SOX5: variants seen among roughly 807,000 people sequenced by gnomAD.
SOX5 encodes the protein transcription factor SOX-5.
Under a neutral mutation model 92.0 loss-of-function variants are expected in SOX5, and 9 were observed. The ratio of observed to expected loss-of-function variants is 0.10; its 90% confidence interval spans 0.06 to 0.17. The LOEUF is 0.17. SOX5 is among the 10% of genes least tolerant of loss of function. The pLI is 1.00. For missense variants in SOX5, 642 were observed against 944.5 expected (o/e 0.68, Z 4.20); for synonymous variants, 344 against 336.3 (o/e 1.02, Z -0.25).
At chr12:24,530,338 C>T (rs1359563137) in intron 1 of SOX5, among the ~76,000 whole-genome samples, 1 of 152,152 alleles carries the variant, frequency 6.6e-6, no homozygotes. Context: ...GTCGTCGGAT[C>T]CTCTCCCTAC....
chr12:23,693,532 C>T (rs1274645424), intron 6 of SOX5, among the ~76,000 whole-genome samples: 1 of 152,144 alleles, frequency 6.6e-6, no homozygotes, highest in Non-Finnish European at 1.5e-5. Flanking sequence ...TTGTGTTATT[C>T]ATTTTCCCAG....
intron 1 of SOX5, among the ~76,000 whole-genome samples, chr12:23,918,799 C>G (rs1197842804): frequency 6.6e-6 from 1 of 151,434 alleles, no homozygotes; most frequent in East Asian, 2.0e-4. Context: ...TGCCTGTAAT[C>G]CCAGCTACTC....
At chr12:24,048,122 C>T (rs148364435) in intron 4 of SOX5, among the ~76,000 whole-genome samples, 81 of 152,266 alleles carry the variant, frequency 5.3e-4, no homozygotes, top group African/African-American at 1.9e-3. Context: ...ATGATCAGCA[C>T]TGCATGAACA....
At chr12:23,774,124 T>C (rs1489857441) in intron 3 of SOX5, among the ~76,000 whole-genome samples, 1 of 152,158 alleles carries the variant, frequency 6.6e-6, no homozygotes, top group African/African-American at 2.4e-5. Flanking sequence ...AAGTGCTTAA[T>C]AGGGGATAGC....
intron 4 of SOX5, among the ~76,000 whole-genome samples, chr12:24,113,284 T>C (rs886942717): frequency 6.9e-6 from 1 of 145,484 alleles, no homozygotes; most frequent in African/African-American, 2.5e-5. Context: ...GAGCTAAAAG[T>C]GCAGACTGAT....
chr12:24,080,848 G>A (rs73275446), intron 4 of SOX5, among the ~76,000 whole-genome samples: 4,305 of 151,918 alleles, frequency 0.028, 223 homozygotes, highest in African/African-American at 0.097. Context: ...TGTAGCTACT[G>A]TATGATTTTA....
intron 1 of SOX5, among the ~76,000 whole-genome samples, chr12:24,466,835 C>G (rs1307709522): frequency 6.6e-6 from 1 of 152,130 alleles, no homozygotes; most frequent in Admixed American, 6.5e-5. Flanking sequence ...TTAAAGCTCC[C>G]CAGGTAATCT....
chr12:24,164,088 C>G (rs1038166121), intron 4 of SOX5, among the ~76,000 whole-genome samples: 8 of 152,036 alleles, frequency 5.3e-5, no homozygotes, highest in African/African-American at 9.7e-5. Context: ...CTTATGGTCT[C>G]AGAGAATGAT....
intron 1 of SOX5, among the ~76,000 whole-genome samples, chr12:24,512,108 A>C (rs1713955732): frequency 6.6e-6 from 1 of 152,240 alleles, no homozygotes; most frequent in African/African-American, 2.4e-5. Flanking sequence ...AGAAATAATA[A>C]GAAAAAAATC....
intron 6 of SOX5, among the ~76,000 whole-genome samples, chr12:23,707,481 G>A (rs116677671): frequency 0.015 from 2,223 of 152,238 alleles, 45 homozygotes; most frequent in African/African-American, 0.051. Flanking sequence ...AAAGGATACA[G>A]TCCCAGGAAA....
At chr12:24,156,411 T>G (rs1192971124) in intron 4 of SOX5, among the ~76,000 whole-genome samples, 3 of 152,142 alleles carry the variant, frequency 2.0e-5, no homozygotes, top group Admixed American at 1.3e-4. Flanking sequence ...TGTCAAGGAC[T>G]GCTTCTGGGG....
At chr12:24,130,714 C>T (rs1484388059) in intron 4 of SOX5, among the ~76,000 whole-genome samples, 1 of 152,176 alleles carries the variant, frequency 6.6e-6, no homozygotes, top group Non-Finnish European at 1.5e-5. Context: ...ATTCACAGAG[C>T]TGACCATGGC....
intron 6 of SOX5, among the ~76,000 whole-genome samples, chr12:23,733,772 G>A (rs1383247173): frequency 1.3e-5 from 2 of 152,136 alleles, no homozygotes; most frequent in African/African-American, 4.8e-5. Flanking sequence ...TGGATCTCAA[G>A]ATATAACTTC....
intron 4 of SOX5, among the ~76,000 whole-genome samples, chr12:24,056,803 G>A (rs558261414): frequency 4.5e-4 from 67 of 149,420 alleles, no homozygotes; most frequent in African/African-American, 1.6e-3. Flanking sequence ...GTGAAACCCC[G>A]TCTCTACTAA....
chr12:23,623,113 A>C (rs2077373365), intron 8 of SOX5, among the ~76,000 whole-genome samples: 1 of 152,186 alleles, frequency 6.6e-6, no homozygotes, highest in South Asian at 2.1e-4. Flanking sequence ...ACACACATGC[A>C]TATGCCATTC....
chr12:24,268,819 T>A (rs1034043842), intron 3 of SOX5, among the ~76,000 whole-genome samples: 27 of 152,206 alleles, frequency 1.8e-4, no homozygotes, highest in African/African-American at 6.0e-4. Flanking sequence ...TTATTATGTG[T>A]TCAGAGTAAT....
chr12:23,715,988 T>C (rs1181425834), intron 6 of SOX5, among the ~76,000 whole-genome samples: 2 of 152,138 alleles, frequency 1.3e-5, no homozygotes, highest in Non-Finnish European at 1.5e-5. Flanking sequence ...TTTCCATAAG[T>C]AAAAACTGAT....
At chr12:23,990,991 T>C (rs924306180) in intron 4 of SOX5, among the ~76,000 whole-genome samples, 1 of 151,984 alleles carries the variant, frequency 6.6e-6, no homozygotes, top group Non-Finnish European at 1.5e-5. Flanking sequence ...TGAAGATCTA[T>C]TTGGAAGATC....
upstream of SOX5, among the ~76,000 whole-genome samples, chr12:23,951,902 C>T (rs1024892050): frequency 6.6e-6 from 1 of 152,102 alleles, no homozygotes; most frequent in African/African-American, 2.4e-5. Flanking sequence ...AACCTACTCC[C>T]ACACAGAAAA....
Sources: allele counts gnomAD v4.1 joint callset (sites outside exome capture counted in the v4.1 genomes callset), GRCh38; gene constraint gnomAD v4.1.1; transcripts MANE v1.5; gene names NCBI Gene and HGNC (gene_info 2026-07-23, HGNC 2026-07-21).